The following STYX variants were observed in gnomAD, a reference collection of about 807,000 sequenced individuals.
STYX encodes the protein serine/threonine/tyrosine interacting protein.
In STYX, 20 loss-of-function variants were observed where a neutral mutation model predicts 42.7. The observed-to-expected ratio is 0.47, with a 90% confidence interval of 0.33 to 0.68. The LOEUF (loss-of-function observed/expected upper bound fraction) is 0.68. Ranked by LOEUF, STYX falls within the 30% of genes least tolerant of loss-of-function variation. The pLI, the probability that STYX is intolerant of heterozygous loss-of-function variation, is 0.02. For missense variants in STYX, 226 were observed against 268.5 expected, an observed-to-expected ratio of 0.84 and a Z score of 1.11; for synonymous variants, 78 against 81.9, an observed-to-expected ratio of 0.95 and a Z score of 0.26.
intron 8 of STYX, among the ~76,000 whole-genome samples, chr14:52,758,835 A>G (rs1008009385): frequency 6.6e-6 from 1 of 152,164 alleles, no homozygotes; most frequent in African/African-American, 2.4e-5. Flanking sequence ...CGGCCTCCCA[A>G]GGTGCTGGTA....
chr14:52,750,186 A>G (rs1025251682), intron 3 of STYX, among the ~76,000 whole-genome samples: 1 of 152,180 alleles, frequency 6.6e-6, no homozygotes, highest in Non-Finnish European at 1.5e-5. Context: ...GATTCTGTGA[A>G]GTATGTAAAT....
At chr14:52,750,594 T>G in intron 3 of STYX, 89 bp from the exon 4 acceptor site, 1 of 869,712 alleles carries the variant, frequency 1.1e-6, no homozygotes, top group South Asian at 1.7e-5. Flanking sequence ...CTGTGTATTT[T>G]CAAACATCTG....
chr14:52,739,202 ATTTAGT>A (rs1421999718), intron 1 of STYX, among the ~76,000 whole-genome samples: 5 of 150,892 alleles, frequency 3.3e-5, no homozygotes, highest in Non-Finnish European at 1.5e-5. Flanking sequence ...CATTTTCTCC[ATTTAGT>A]TTATTTCATA....
chr14:52,770,238 T>G (rs562561290), intron 10 of STYX, among the ~76,000 whole-genome samples: 1 of 152,268 alleles, frequency 6.6e-6, no homozygotes, highest in African/African-American at 2.4e-5. Context: ...ACTATATTTT[T>G]ATCTTTATGA....
chr14:52,770,819 A>G (rs1882482367), intron 10 of STYX, among the ~76,000 whole-genome samples: 2 of 152,108 alleles, frequency 1.3e-5, no homozygotes, highest in Non-Finnish European at 2.9e-5. Context: ...CCTAAGACAT[A>G]ATACTTGAGA....
At chr14:52,744,996 G>T in intron 2 of STYX, 112 bp downstream of exon 2, 1 of 799,666 alleles carries the variant, frequency 1.3e-6, no homozygotes, top group Non-Finnish European at 1.9e-6. Context: ...TCATCATTAT[G>T]TATTTTAAAT....
chr14:52,770,512 A>G (rs762386017), intron 10 of STYX, among the ~76,000 whole-genome samples: 4 of 152,136 alleles, frequency 2.6e-5, no homozygotes, highest in African/African-American at 9.6e-5. Flanking sequence ...GGTATGAAGA[A>G]TAGATAAAAG....
In STYX at chr14:52,765,246, A is replaced by T. The variant is rs141057310; in HGVS notation, c.505-3594A>T. On this transcript the variant is annotated intron_variant, in intron 9 of 10. Transcript: ENST00000354586. ...TTTTATTTTTTGGAGATGGAGTCTC[A>T]CTCTGTCGCCCAGGCTGGAATGAGT... Among the ~76,000 whole-genome samples, 428 of 152,108 alleles carry T rather than the reference A, an allele frequency of 2.8e-3. 4 individuals are homozygous for T. Among genetic ancestry groups the T allele is most frequent in the African/African-American group, 9.7e-3 (401 of 41,494 alleles).
chr14:52,774,376 G>A lies in STYX; in HGVS notation c.*3270G>A, dbSNP rs1882636546. On this transcript the variant is annotated 3_prime_UTR_variant, in exon 11 of 11. Transcript: ENST00000354586. ...TATCAAGATCTCAACTTGATGTAAA[G>A]TAAATGAGCAGTTACCTGGCGGATT... The A allele has an allele frequency of 6.7e-6, 1 of 148,584 alleles. No individual in the cohort carries two copies. The highest frequency in any genetic ancestry group is 1.5e-5 in the Non-Finnish European group (1 of 67,384). The allele number at this position is 148,584 out of a possible 1,614,324, so 9.2% of individuals were successfully genotyped here.
chr14:52,749,559 C>A (rs574264624), intron 3 of STYX, among the ~76,000 whole-genome samples: 2 of 152,118 alleles, frequency 1.3e-5, no homozygotes, highest in Non-Finnish European at 2.9e-5. Context: ...GTTATACATA[C>A]TTGATACTTA....
chr14:52,732,679 TA>T (rs1292531142), intron 1 of STYX, among the ~76,000 whole-genome samples: 9 of 152,142 alleles, frequency 5.9e-5, no homozygotes, highest in African/African-American at 2.2e-4. Flanking sequence ...TTTATTTATT[TA>T]TTTTTTTGAG....
intron 9 of STYX, among the ~76,000 whole-genome samples, chr14:52,762,556 A>G (rs538481228): frequency 8.5e-5 from 13 of 152,184 alleles, no homozygotes; most frequent in African/African-American, 2.6e-4. Flanking sequence ...GGAATCAGTT[A>G]AATAGTAAAT....
chr14:52,736,839 G>GC (rs1880974230), intron 1 of STYX, among the ~76,000 whole-genome samples: 1 of 152,072 alleles, frequency 6.6e-6, no homozygotes, highest in Non-Finnish European at 1.5e-5. Context: ...GTACTCTTCT[G>GC]CCCCTCCAGT....
At chr14:52,770,604 T>C (rs1470322680) in intron 10 of STYX, among the ~76,000 whole-genome samples, 3 of 152,088 alleles carry the variant, frequency 2.0e-5, no homozygotes, top group Admixed American at 1.3e-4. Flanking sequence ...TTTCAGCTGC[T>C]CTTCATAACA....
chr14:52,730,432 G>C lies in STYX; in HGVS notation c.-43G>C. 2 of 1,608,382 alleles carry C rather than the reference G, an allele frequency of 1.2e-6. No homozygotes were observed. Among genetic ancestry groups the C allele is most frequent in the Non-Finnish European group, 1.7e-6 (2 of 1,177,160 alleles). ...GCCAGCCCGAGGGTCGGCCGGCTGT[G>C]TAACACTCTCCCACCCCACCCACCA... On this transcript the variant is annotated 5_prime_UTR_variant, in exon 1 of 11. Transcript: ENST00000354586.
At chr14:52,757,078 T>A (rs1231232635) in intron 5 of STYX, among the ~76,000 whole-genome samples, 1 of 152,172 alleles carries the variant, frequency 6.6e-6, no homozygotes, top group Admixed American at 6.5e-5. Context: ...TTGTAGAAAA[T>A]TTTTTATGAT....
intron 4 of STYX, among the ~76,000 whole-genome samples, chr14:52,752,997 C>A (rs1225467873): frequency 6.9e-6 from 1 of 145,086 alleles, no homozygotes; most frequent in African/African-American, 2.5e-5. Context: ...TCTCCTGCCT[C>A]AGCCTCCTGA....
rs749491501 is a variant in STYX, at chr14:52,759,719, A to G, written c.469A>G (p.Ile157Val). 2.5e-6 allele frequency: 4 copies of G among 1,611,956 alleles called. No homozygotes were observed. Among genetic ancestry groups the G allele is most frequent in the Non-Finnish European group, 2.5e-6 (3 of 1,178,904 alleles). The change falls in exon 9 of 11, where the codon ATT (isoleucine) becomes GTT (valine). Residue 157 changes from isoleucine to valine, a missense_variant. Coordinates refer to ENST00000354586, the MANE Select transcript of STYX (RefSeq NM_145251.4). ...TTATGTTCAAGAAAGAAGATTTTGTATTAATCCTAATGCTGGATTTGTCCA... is the reference window on the plus strand; with the variant it reads ...TTATGTTCAAGAAAGAAGATTTTGTGTTAATCCTAATGCTGGATTTGTCCA... Reference protein sequence around the residue: ...FAYVQERRFCINPNAGFVHQL... With the variant: ...FAYVQERRFCVNPNAGFVHQL...
chr14:52,749,201 C>A (rs1295053768), intron 3 of STYX, among the ~76,000 whole-genome samples: 1 of 152,146 alleles, frequency 6.6e-6, no homozygotes, highest in African/African-American at 2.4e-5. Flanking sequence ...GTTCTTGCCT[C>A]TTCTTACAAG....
Sources: gnomAD v4.1 joint callset for allele counts (sites outside exome capture counted in the v4.1 genomes callset) on GRCh38, gnomAD v4.1.1 for gene constraint, MANE v1.5 for transcripts, NCBI Gene and HGNC (gene_info 2026-07-23, HGNC 2026-07-21) for gene names.